Variants in EHBP1 observed in about 807,000 individuals in gnomAD.
The protein encoded by EHBP1 is EH domain-binding protein 1.
A neutral mutation model predicts 144.0 loss-of-function variants in EHBP1; 55 were observed. The observed-to-expected ratio is 0.38, with a 90% CI of 0.31 to 0.48. EHBP1 has a LOEUF of 0.48. Among genes scored for constraint, EHBP1 ranks in the 20% least tolerant of loss-of-function variants. The pLI, the probability that EHBP1 is intolerant of heterozygous loss-of-function variation, is 0.98. For synonymous variants in EHBP1, 469 were observed against 472.7 expected, an observed-to-expected ratio of 0.99 and a Z score of 0.10; for missense variants, 1,200 against 1,364.2, an observed-to-expected ratio of 0.88 and a Z score of 1.90.
intron 5 of EHBP1, among the ~76,000 whole-genome samples, chr2:62,775,622 A>G (rs2042003968): frequency 6.6e-6 from 1 of 152,240 alleles, no homozygotes; most frequent in Admixed American, 6.5e-5. Flanking sequence ...AAATATCCCA[A>G]TAAAACAGAA....
chr2:62,923,978 C>G (rs185900398), intron 10 of EHBP1, among the ~76,000 whole-genome samples: 4 of 152,284 alleles, frequency 2.6e-5, no homozygotes, highest in East Asian at 3.9e-4. Flanking sequence ...GTCTGAGAAA[C>G]AGCCTCATGG....
chr2:62,739,692 C>G (rs371666409), intron 2 of EHBP1, among the ~76,000 whole-genome samples: 2 of 151,478 alleles, frequency 1.3e-5, no homozygotes, highest in East Asian at 3.9e-4. Flanking sequence ...CCTGTGATTC[C>G]AACACTTTGG....
chr2:62,917,332 C>A (rs148840385), intron 10 of EHBP1, among the ~76,000 whole-genome samples: 53 of 152,256 alleles, frequency 3.5e-4, no homozygotes, highest in Admixed American at 2.4e-3. Context: ...TGAAAAGATA[C>A]AGTAAAAATA....
intron 2 of EHBP1, among the ~76,000 whole-genome samples, chr2:62,731,005 T>C (rs1472298862): frequency 6.6e-6 from 1 of 150,522 alleles, no homozygotes; most frequent in African/African-American, 2.5e-5. Flanking sequence ...ATAGATCAAA[T>C]TGGGAAGAAC....
chr2:62,948,281 A>G lies in EHBP1; in HGVS notation c.1435A>G (p.Ile479Val), dbSNP rs1023416909. The G allele has an allele frequency of 1.3e-6, 2 of 1,579,014 alleles. No individual in the cohort carries two copies. The highest frequency in any genetic ancestry group is 2.3e-5 in the East Asian group (1 of 44,440). Residue 479 changes from isoleucine to valine, a missense_variant, in exon 13 of 23, where the codon ATA becomes GTA. This residue lies in a region of EHBP1 where 94 missense variants were observed against 143.0 expected (regional missense o/e 0.66). Coordinates refer to ENST00000431489, the MANE Select transcript of EHBP1 (RefSeq NM_001142616.3). Reference sequence around the variant, plus strand: ...GAAGGCATACGATGGATTTGCCAGCATAGGAATTTCCCGATTATTGGAACC... The same window carrying G: ...GAAGGCATACGATGGATTTGCCAGCGTAGGAATTTCCCGATTATTGGAACC... ...NKKAYDGFASIGISRLLEPSD... is the reference protein window; with the variant it reads ...NKKAYDGFASVGISRLLEPSD...
At chr2:62,744,787 G>T (rs942883506) in intron 2 of EHBP1, among the ~76,000 whole-genome samples, 1 of 152,040 alleles carries the variant, frequency 6.6e-6, no homozygotes, top group Non-Finnish European at 1.5e-5. Context: ...GCATTAGAAT[G>T]AGGCAACAGT....
At chr2:62,913,674 A>T (rs2054390130) in intron 10 of EHBP1, among the ~76,000 whole-genome samples, 1 of 152,218 alleles carries the variant, frequency 6.6e-6, no homozygotes, top group Non-Finnish European at 1.5e-5. Context: ...ATTGATACAA[A>T]GTTTTGCATC....
At chr2:62,770,332 A>G (rs966620295) in intron 4 of EHBP1, among the ~76,000 whole-genome samples, 1 of 152,036 alleles carries the variant, frequency 6.6e-6, no homozygotes, top group Non-Finnish European at 1.5e-5. Context: ...AAACAAAACA[A>G]CCCCATTAAA....
chr2:62,726,223 A>T (rs1558556265), intron 2 of EHBP1, among the ~76,000 whole-genome samples: 1 of 152,128 alleles, frequency 6.6e-6, no homozygotes, highest in African/African-American at 2.4e-5. Flanking sequence ...CCACTTCTCT[A>T]AGCAGCTCTC....
intron 5 of EHBP1, among the ~76,000 whole-genome samples, chr2:62,773,513 G>A (rs2041823571): frequency 6.6e-6 from 1 of 151,850 alleles, no homozygotes; most frequent in Non-Finnish European, 1.5e-5. Flanking sequence ...GAAGGAGTGA[G>A]TGAATGAATG....
chr2:62,987,863 T>G, intron 15 of EHBP1: 1 of 855,002 alleles, frequency 1.2e-6, no homozygotes, highest in Non-Finnish European at 1.8e-6. Context: ...TTTTTCTTCT[T>G]TAGTGTTTTG....
intron 7 of EHBP1, among the ~76,000 whole-genome samples, chr2:62,856,533 A>T (rs2049070600): frequency 6.6e-6 from 1 of 152,132 alleles, no homozygotes; most frequent in Non-Finnish European, 1.5e-5. Context: ...TCATCACTCC[A>T]TGCCTGACTC....
chr2:62,921,380 G>C (rs1016331715), intron 10 of EHBP1, among the ~76,000 whole-genome samples: 1 of 152,032 alleles, frequency 6.6e-6, no homozygotes, highest in Non-Finnish European at 1.5e-5. Flanking sequence ...GGGAGGCAGA[G>C]GTTGCAGTGA....
intron 10 of EHBP1, among the ~76,000 whole-genome samples, chr2:62,933,538 T>C (rs1432579058): frequency 6.6e-6 from 1 of 152,206 alleles, no homozygotes; most frequent in Non-Finnish European, 1.5e-5. Context: ...TGTAACATCA[T>C]GCATTATTTC....
rs543975518 is a variant in EHBP1 at position 62,787,387 on chromosome 2, C to T, written c.312+15995C>T. Among the ~76,000 whole-genome samples the T allele has an allele frequency of 2.1e-3, 239 of 112,668 alleles. 2 individuals are homozygous for T. Among genetic ancestry groups the T allele is most frequent in the Middle Eastern group, 8.7e-3 (2 of 230 alleles). 73.9% of individuals were successfully genotyped at this position (112,668 alleles called of 152,430 possible). On this transcript the variant is annotated intron_variant, in intron 5 of 22. Transcript: ENST00000431489. ...GCCCCTCCTGCACCACCCCACACTG[C>T]ACCGCTGCCCCCCCCCCCCACCCCC... is the stretch of plus-strand genomic sequence containing the variant.
intron 3 of EHBP1, among the ~76,000 whole-genome samples, chr2:62,755,133 C>T (rs1251464460): frequency 2.0e-5 from 3 of 152,166 alleles, no homozygotes; most frequent in Non-Finnish European, 2.9e-5. Context: ...CTTGTAACCA[C>T]CCCCACTTTT....
chr2:62,835,879 T>A (rs1231476369), intron 7 of EHBP1, among the ~76,000 whole-genome samples: 1 of 152,122 alleles, frequency 6.6e-6, no homozygotes, highest in Non-Finnish European at 1.5e-5. Context: ...CACAGCAGTC[T>A]GAGATCAAAC....
intron 19 of EHBP1, among the ~76,000 whole-genome samples, chr2:63,037,025 T>TA (rs938313403): frequency 6.6e-6 from 1 of 151,886 alleles, no homozygotes; most frequent in African/African-American, 2.4e-5. Flanking sequence ...TCTACCCTAT[T>TA]AGGGATGATG....
intron 21 of EHBP1, among the ~76,000 whole-genome samples, chr2:63,041,833 T>G (rs2061671810): frequency 6.6e-6 from 1 of 152,182 alleles, no homozygotes. Flanking sequence ...AGTGCCAGGC[T>G]TATTTATAGT....
Sources: gnomAD v4.1 joint callset for allele counts (sites outside exome capture counted in the v4.1 genomes callset) on GRCh38, gnomAD v4.1.1 for gene constraint, gnomAD v4.1.1 regional missense constraint, MANE v1.5 for transcripts, NCBI Gene and HGNC (gene_info 2026-07-23, HGNC 2026-07-21) for gene names.